Variants in EPB41L3 observed in about 807,000 individuals in gnomAD.
EPB41L3 encodes the protein band 4.1-like protein 3.
EPB41L3 carries 57 observed loss-of-function variants against 127.1 expected under a neutral mutation model. The ratio of observed to expected loss-of-function variants is 0.45; its 90% CI spans 0.36 to 0.56. The LOEUF is 0.56. Ranked by LOEUF, EPB41L3 falls within the 20% of genes least tolerant of loss-of-function variation. EPB41L3 has a pLI of 0.00. For synonymous variants in EPB41L3, 572 were observed against 549.5 expected, an observed-to-expected ratio of 1.04 and a Z score of -0.57; for missense variants, 1,273 against 1,372.2, an observed-to-expected ratio of 0.93 and a Z score of 1.14.
At chr18:5,456,370 A>G (rs1027224721) in intron 3 of EPB41L3, among the ~76,000 whole-genome samples, 1 of 152,238 alleles carries the variant, frequency 6.6e-6, no homozygotes, top group Non-Finnish European at 1.5e-5. Context: ...ATAAACCACC[A>G]GCATATTTAA....
At chr18:5,471,195 A>G (rs1207144548) in intron 3 of EPB41L3, among the ~76,000 whole-genome samples, 1 of 152,144 alleles carries the variant, frequency 6.6e-6, no homozygotes. Flanking sequence ...GGCTGTACTC[A>G]AGTATGCTAT....
intron 3 of EPB41L3, among the ~76,000 whole-genome samples, chr18:5,556,888 G>A (rs1388679750): frequency 1.3e-5 from 2 of 152,154 alleles, no homozygotes; most frequent in Admixed American, 1.3e-4. Context: ...CACTCAGTAA[G>A]CTCTCAATGC....
intron 1 of EPB41L3, among the ~76,000 whole-genome samples, chr18:5,623,300 A>C (rs2094885978): frequency 6.6e-6 from 1 of 152,244 alleles, no homozygotes; most frequent in Admixed American, 6.5e-5. Context: ...ACATAGATAC[A>C]GCAGCTCTTA....
chr18:5,455,283 A>G (rs1233816646), intron 3 of EPB41L3, among the ~76,000 whole-genome samples: 2 of 151,102 alleles, frequency 1.3e-5, no homozygotes, highest in African/African-American at 4.9e-5. Context: ...AAATCATACC[A>G]TTACTCTTAC....
intron 12 of EPB41L3, among the ~76,000 whole-genome samples, chr18:5,417,745 T>C (rs2076999096): frequency 6.6e-6 from 1 of 152,234 alleles, no homozygotes; most frequent in Non-Finnish European, 1.5e-5. Context: ...GAAGGGTCTC[T>C]TTTTACGATG....
chr18:5,587,687 A>G (rs961398450), intron 3 of EPB41L3, among the ~76,000 whole-genome samples: 3 of 152,192 alleles, frequency 2.0e-5, no homozygotes, highest in Admixed American at 2.0e-4. Flanking sequence ...GACATTCACA[A>G]TGATTTCCAA....
At chr18:5,513,797 C>G (rs2148708990) in intron 1 of EPB41L3, among the ~76,000 whole-genome samples, 1 of 152,236 alleles carries the variant, frequency 6.6e-6, no homozygotes, top group Non-Finnish European at 1.5e-5. Context: ...CAGACATTAG[C>G]CCCTACTTAT....
intron 3 of EPB41L3, among the ~76,000 whole-genome samples, chr18:5,465,114 T>C (rs1340600626): frequency 6.6e-6 from 1 of 152,232 alleles, no homozygotes; most frequent in African/African-American, 2.4e-5. Context: ...TTCTGTCTAA[T>C]CTCAGCAGGT....
intron 3 of EPB41L3, among the ~76,000 whole-genome samples, chr18:5,609,186 A>C (rs1019787778): frequency 1.3e-5 from 2 of 152,202 alleles, no homozygotes; most frequent in African/African-American, 4.8e-5. Flanking sequence ...GTAACTGATA[A>C]TCAAGACAAT....
intron 3 of EPB41L3, among the ~76,000 whole-genome samples, chr18:5,611,837 G>T (rs1429125538): frequency 1.3e-5 from 2 of 151,886 alleles, no homozygotes; most frequent in East Asian, 3.9e-4. Context: ...TAGAGACAGG[G>T]TACTTCTTAT....
intron 12 of EPB41L3, among the ~76,000 whole-genome samples, chr18:5,419,410 A>G (rs558564046): frequency 1.3e-5 from 2 of 152,362 alleles, no homozygotes; most frequent in South Asian, 2.1e-4. Flanking sequence ...ATGTGAGCCC[A>G]AACAGAAAAG....
At chr18:5,499,251 C>A (rs2091500530) in intron 1 of EPB41L3, among the ~76,000 whole-genome samples, 1 of 152,138 alleles carries the variant, frequency 6.6e-6, no homozygotes, top group East Asian at 1.9e-4. Context: ...AGAATTAAAT[C>A]TGAGTTCTGC....
intron 15 of EPB41L3, 154 bp from the exon 16 acceptor site, chr18:5,407,122 G>A: frequency 4.8e-6 from 3 of 620,348 alleles, no homozygotes; most frequent in Non-Finnish European, 8.3e-6. Context: ...CAAACACTCT[G>A]GTGAAAATGT....
In EPB41L3 at chr18:5,466,834, T is replaced by C. The variant is rs527255356; in HGVS notation, c.381+11407A>G. Among the ~76,000 whole-genome samples, 16 of 152,336 alleles carry C rather than the reference T, an allele frequency of 1.1e-4. No individual in the cohort carries two copies. The East Asian group carries it at 3.1e-3, about 29-fold the overall frequency. On this transcript the variant is annotated intron_variant, in intron 3 of 22. Coordinates refer to ENST00000341928, the MANE Select transcript of EPB41L3 (RefSeq NM_012307.5). ...AAAAGATTTCTAATCTTGTGGCTGA[T>C]GACAGCAGCCTGCTTCCTAAACTTC...
intron 1 of EPB41L3, among the ~76,000 whole-genome samples, chr18:5,511,344 A>G (rs2092500905): frequency 1.3e-5 from 2 of 150,542 alleles, no homozygotes; most frequent in Non-Finnish European, 2.9e-5. Context: ...GAGATGGTTA[A>G]AGGTCCCAAG....
intron 3 of EPB41L3, among the ~76,000 whole-genome samples, chr18:5,475,751 T>G (rs1188203175): frequency 6.6e-6 from 1 of 152,224 alleles, no homozygotes; most frequent in African/African-American, 2.4e-5. Context: ...TGCTTCAGCG[T>G]CCCACACTGT....
At chr18:5,483,749 G>A (rs531871118) in intron 2 of EPB41L3, among the ~76,000 whole-genome samples, 127 of 151,804 alleles carry the variant, frequency 8.4e-4, no homozygotes, top group Non-Finnish European at 8.1e-4. Flanking sequence ...ATGATAAAGG[G>A]GACAATTCAG....
At chr18:5,463,561 T>C (rs982348934) in intron 3 of EPB41L3, 5 of 152,250 alleles carry the variant, frequency 3.3e-5, no homozygotes, top group African/African-American at 1.2e-4. Context: ...AGGTTCTATG[T>C]TGCTGTGCTA....
chr18:5,420,276 G>A (rs1160586175), intron 11 of EPB41L3: 8 of 265,596 alleles, frequency 3.0e-5, no homozygotes, highest in South Asian at 1.8e-4. Context: ...CACCAGTCTC[G>A]TAGTGGCCAA....
Sources: allele counts gnomAD v4.1 joint callset (sites outside exome capture counted in the v4.1 genomes callset), GRCh38; gene constraint gnomAD v4.1.1; transcripts MANE v1.5; gene names NCBI Gene and HGNC (gene_info 2026-07-23, HGNC 2026-07-21).